Variants in PEBP4 observed in about 807,000 individuals in gnomAD.
PEBP4 encodes the protein phosphatidylethanolamine-binding protein 4.
PEBP4 carries 22 observed loss-of-function variants against 23.9 expected under a neutral mutation model. The ratio of observed to expected loss-of-function variants is 0.92; its 90% CI spans 0.66 to 1.31. The LOEUF is 1.31. Ranked by LOEUF, PEBP4 falls within the 40% of genes most tolerant of loss-of-function variation. The pLI is 0.00. For synonymous variants in PEBP4, 112 were observed against 99.3 expected (o/e 1.13, Z -0.76); for missense variants, 324 against 281.7 (o/e 1.15, Z -1.07).
intron 4 of PEBP4, among the ~76,000 whole-genome samples, chr8:22,752,547 C>T (rs17088614): frequency 0.14 from 21,726 of 152,102 alleles, 1,769 homozygotes; most frequent in Admixed American, 0.2. Flanking sequence ...ACCAAGACTG[C>T]GCGTGTCTGT....
chr8:22,736,889 A>G (rs1402910800), intron 4 of PEBP4, among the ~76,000 whole-genome samples: 2 of 152,206 alleles, frequency 1.3e-5, no homozygotes, highest in East Asian at 1.9e-4. Context: ...TTGGATAGCC[A>G]TCTTATTAGA....
At chr8:22,818,661 G>T (rs1186011933) in intron 3 of PEBP4, among the ~76,000 whole-genome samples, 1 of 152,108 alleles carries the variant, frequency 6.6e-6, no homozygotes, top group Non-Finnish European at 1.5e-5. Context: ...TGCTTTTAGA[G>T]GATTCTTTTG....
intron 3 of PEBP4, among the ~76,000 whole-genome samples, chr8:22,882,112 C>G (rs1054045313): frequency 1.3e-5 from 2 of 152,224 alleles, no homozygotes; most frequent in Non-Finnish European, 2.9e-5. Flanking sequence ...TCTCATTCAC[C>G]TTTTTCCTGC....
intron 4 of PEBP4, among the ~76,000 whole-genome samples, chr8:22,735,974 C>T (rs1379975861): frequency 6.6e-6 from 1 of 152,194 alleles, no homozygotes. Context: ...AGACAATTGC[C>T]CTGAGAACAT....
intron 4 of PEBP4, among the ~76,000 whole-genome samples, chr8:22,802,136 T>A (rs7841172): frequency 0.36 from 55,234 of 151,906 alleles, 10,461 homozygotes; most frequent in Middle Eastern, 0.46. Context: ...TTCCTCCTCC[T>A]CGTCTCTCTG....
chr8:22,734,814 C>T (rs946537483), intron 4 of PEBP4, among the ~76,000 whole-genome samples: 5 of 152,084 alleles, frequency 3.3e-5, no homozygotes, highest in Non-Finnish European at 4.4e-5. Flanking sequence ...GTCTAAGCCA[C>T]GTATCAATGT....
At chr8:22,797,738 C>T (rs574011782) in intron 4 of PEBP4, among the ~76,000 whole-genome samples, 1 of 152,220 alleles carries the variant, frequency 6.6e-6, no homozygotes, top group Admixed American at 6.5e-5. Context: ...ATCGCAGGGG[C>T]AATGATGCAG....
At chr8:22,850,857 C>T (rs920327928) in intron 3 of PEBP4, among the ~76,000 whole-genome samples, 3 of 152,080 alleles carry the variant, frequency 2.0e-5, no homozygotes, top group African/African-American at 7.3e-5. Flanking sequence ...GCAATGTGAT[C>T]CAAGTTTAGA....
At chr8:22,857,709 TA>T (rs1169861945) in intron 3 of PEBP4, among the ~76,000 whole-genome samples, 1 of 152,126 alleles carries the variant, frequency 6.6e-6, no homozygotes, top group Non-Finnish European at 1.5e-5. Context: ...AGTGGGTTAC[TA>T]AATGGAAAAG....
intron 4 of PEBP4, among the ~76,000 whole-genome samples, chr8:22,800,362 T>C (rs1806358150): frequency 6.6e-6 from 1 of 152,044 alleles, no homozygotes; most frequent in Non-Finnish European, 1.5e-5. Flanking sequence ...TCTATGACCC[T>C]GGACCTCAGT....
intron 3 of PEBP4, among the ~76,000 whole-genome samples, chr8:22,832,043 G>A (rs1807093650): frequency 6.6e-6 from 1 of 152,120 alleles, no homozygotes; most frequent in Non-Finnish European, 1.5e-5. Context: ...TGTGGTGGGG[G>A]TGGATAAGAA....
chr8:22,832,444 G>T (rs1241958921), intron 3 of PEBP4, among the ~76,000 whole-genome samples: 1 of 152,156 alleles, frequency 6.6e-6, no homozygotes, highest in African/African-American at 2.4e-5. Flanking sequence ...TGGCACATTG[G>T]TCTTGGACTT....
intron 3 of PEBP4, among the ~76,000 whole-genome samples, chr8:22,881,186 C>T (rs1057119709): frequency 6.6e-6 from 1 of 152,234 alleles, no homozygotes; most frequent in African/African-American, 2.4e-5. Flanking sequence ...GCTCCAGTGT[C>T]CCCAGGGATG....
intron 6 of PEBP4, among the ~76,000 whole-genome samples, chr8:22,715,251 AC>A (rs1206131377): frequency 1.3e-5 from 2 of 152,194 alleles, no homozygotes; most frequent in Non-Finnish European, 2.9e-5. Context: ...AGGTGTACTG[AC>A]TGCAGCCGGG....
chr8:22,813,999 T>C (rs1311519188), intron 4 of PEBP4, among the ~76,000 whole-genome samples: 1 of 152,228 alleles, frequency 6.6e-6, no homozygotes, highest in Non-Finnish European at 1.5e-5. Flanking sequence ...TGCGTTTGTG[T>C]CACCAATGCT....
intron 1 of PEBP4, among the ~76,000 whole-genome samples, chr8:22,934,579 G>A (rs751711416): frequency 3.9e-5 from 6 of 152,192 alleles, no homozygotes; most frequent in Non-Finnish European, 8.8e-5. Context: ...GCACATGCCT[G>A]TAGTTCCAGC....
intron 4 of PEBP4, among the ~76,000 whole-genome samples, chr8:22,761,252 TTG>T (rs1563207875): frequency 6.6e-6 from 1 of 151,538 alleles, no homozygotes; most frequent in Non-Finnish European, 1.5e-5. Flanking sequence ...GTGTGTGTGT[TTG>T]TGTGTGTGTG....
At chr8:22,890,550 T>C (rs993590380) in intron 3 of PEBP4, among the ~76,000 whole-genome samples, 12 of 152,234 alleles carry the variant, frequency 7.9e-5, no homozygotes, top group African/African-American at 2.7e-4. Flanking sequence ...CCCCTCTCTG[T>C]GCCCCAGTAG....
chr8:22,787,999 C>A (rs908620862), intron 4 of PEBP4, among the ~76,000 whole-genome samples: 2 of 151,974 alleles, frequency 1.3e-5, no homozygotes, highest in African/African-American at 4.8e-5. Flanking sequence ...GTGCAACGGG[C>A]CCACAGGCTT....
Sources: gnomAD v4.1 joint callset for allele counts (sites outside exome capture counted in the v4.1 genomes callset) on GRCh38, gnomAD v4.1.1 for gene constraint, MANE v1.5 for transcripts, NCBI Gene and HGNC (gene_info 2026-07-23, HGNC 2026-07-21) for gene names.